Variants in SCTR observed in about 807,000 individuals in gnomAD.
SCTR encodes the protein secretin receptor.
A neutral mutation model predicts 60.8 loss-of-function variants in SCTR; 56 were observed. That is an observed-to-expected ratio of 0.92 (90% CI 0.74 to 1.15). The LOEUF is 1.15. SCTR is among the 50% of genes most tolerant of loss of function. SCTR has a pLI of 0.00. For missense variants in SCTR, 562 were observed against 550.4 expected (o/e 1.02, Z -0.21); for synonymous variants, 202 against 217.0 (o/e 0.93, Z 0.61).
intron 1 of SCTR, among the ~76,000 whole-genome samples, chr2:119,513,349 C>A (rs1417928630): frequency 1.3e-5 from 2 of 152,138 alleles, no homozygotes; most frequent in Non-Finnish European, 2.9e-5. Context: ...AGAGACAGAG[C>A]AGATAAATAT....
At chr2:119,516,828 G>A (rs572946184) in intron 1 of SCTR, among the ~76,000 whole-genome samples, 4 of 152,068 alleles carry the variant, frequency 2.6e-5, no homozygotes, top group South Asian at 2.1e-4. Context: ...GCATGGTGGC[G>A]CATGCCTCTA....
chr2:119,520,081 C>T (rs368097079), intron 1 of SCTR, among the ~76,000 whole-genome samples: 1 of 152,258 alleles, frequency 6.6e-6, no homozygotes, highest in South Asian at 2.1e-4. Context: ...TCATCCTTCA[C>T]TTATTAACTT....
rs184686813 is a variant in SCTR, at chr2:119,507,094, A to T, written c.73-12546T>A. Among the ~76,000 whole-genome samples the T allele has an allele frequency of 4.3e-3, 650 of 152,338 alleles. 2 individuals carry two copies. The highest frequency in any genetic ancestry group is 7.4e-3 in the Non-Finnish European group (505 of 68,032). ...CAACTATTTCAAAATAAAAAGTTGA[A>T]TTACAAAAAAAAGACAACTTAATTA... On this transcript the variant is annotated intron_variant, in intron 1 of 12. Transcript: ENST00000019103.
chr2:119,491,118 C>G (rs1678106877), intron 2 of SCTR, among the ~76,000 whole-genome samples: 1 of 152,250 alleles, frequency 6.6e-6, no homozygotes, highest in Non-Finnish European at 1.5e-5. Context: ...GATCATATCT[C>G]TTGCCTAGAC....
intron 11 of SCTR, among the ~76,000 whole-genome samples, chr2:119,445,004 T>TATTCGTACGAATATATATAC (rs1558832597): frequency 6.7e-6 from 1 of 148,738 alleles, no homozygotes; most frequent in African/African-American, 2.5e-5. Context: ...TATATACATA[T>TATTCGTACGAATATATATAC]ATATGTATAA....
intron 3 of SCTR, among the ~76,000 whole-genome samples, chr2:119,474,037 C>T (rs541260074): frequency 2.0e-5 from 3 of 152,326 alleles, no homozygotes; most frequent in Admixed American, 6.5e-5. Context: ...CTCCAGGCAG[C>T]GCCCCTCACG....
intron 2 of SCTR, among the ~76,000 whole-genome samples, chr2:119,481,835 A>C (rs1173427902): frequency 6.6e-6 from 1 of 152,198 alleles, no homozygotes; most frequent in Non-Finnish European, 1.5e-5. Flanking sequence ...CCCGCCAGGC[A>C]TCCCTCATAA....
intron 1 of SCTR, among the ~76,000 whole-genome samples, chr2:119,505,471 A>AT (rs1678707882): frequency 6.6e-6 from 1 of 151,130 alleles, no homozygotes; most frequent in Admixed American, 6.6e-5. Context: ...TTAAAGTATA[A>AT]TAAAAAAAAG....
At chr2:119,446,158 A>G (rs892317677) in intron 11 of SCTR, among the ~76,000 whole-genome samples, 1 of 152,134 alleles carries the variant, frequency 6.6e-6, no homozygotes, top group Non-Finnish European at 1.5e-5. Flanking sequence ...AGTTTTAATA[A>G]TTTGCATATG....
At chr2:119,465,911 C>T in intron 4 of SCTR, 25 bp from the exon 5 acceptor site, 1 of 1,548,242 alleles carries the variant, frequency 6.5e-7, no homozygotes, top group Non-Finnish European at 8.9e-7. Flanking sequence ...ACGTGTCAGC[C>T]CCGCCGGCCC....
intron 11 of SCTR, 85 bp downstream of exon 11, chr2:119,446,674 C>T: frequency 7.8e-7 from 1 of 1,274,602 alleles, no homozygotes; most frequent in Non-Finnish European, 1.0e-6. Context: ...AGGCATCTGG[C>T]TCGCAGTCTC....
At chr2:119,480,118 ATTCAGTCAGC>A (rs1677534156) in intron 2 of SCTR, among the ~76,000 whole-genome samples, 1 of 152,202 alleles carries the variant, frequency 6.6e-6, no homozygotes, top group Non-Finnish European at 1.5e-5. Flanking sequence ...CTCCCTGTGT[ATTCAGTCAGC>A]TTTGCATCTA....
chr2:119,457,398 T>C lies in SCTR; in HGVS notation c.791-4051A>G, dbSNP rs1057132176. Among the ~76,000 whole-genome samples the C allele has an allele frequency of 4.6e-5, 7 of 152,206 alleles. No individual in the cohort carries two copies. The East Asian group carries it at 9.7e-4, about 21-fold the overall frequency. On this transcript the variant is annotated intron_variant, in intron 7 of 12. Coordinates refer to ENST00000019103, the MANE Select transcript of SCTR (RefSeq NM_002980.3). The stretch of plus-strand genomic sequence containing the variant: ...ATGATAAGAAACTGTAAAGGAAGAA[T>C]GGAGGTAGAGGATTAAGAATTTTAT...
intron 1 of SCTR, among the ~76,000 whole-genome samples, chr2:119,521,532 G>T (rs1418699552): frequency 6.6e-6 from 1 of 152,086 alleles, no homozygotes; most frequent in Non-Finnish European, 1.5e-5. Flanking sequence ...TGGGGGTGGG[G>T]CCGCAGAGGG....
intron 1 of SCTR, among the ~76,000 whole-genome samples, chr2:119,501,791 A>G (rs969278751): frequency 6.6e-6 from 1 of 152,162 alleles, no homozygotes; most frequent in African/African-American, 2.4e-5. Context: ...GAAGAAGAAG[A>G]AAAACCTATT....
At chr2:119,445,920 G>A (rs1413926558) in intron 11 of SCTR, among the ~76,000 whole-genome samples, 2 of 151,956 alleles carry the variant, frequency 1.3e-5, no homozygotes, top group Non-Finnish European at 2.9e-5. Flanking sequence ...ATCCTTCATC[G>A]ACTTATTTTT....
intron 9 of SCTR, among the ~76,000 whole-genome samples, chr2:119,451,520 G>A (rs576906304): frequency 2.7e-4 from 41 of 152,226 alleles, no homozygotes; most frequent in Non-Finnish European, 5.6e-4. Context: ...CCCTGGGGCC[G>A]CCCCTCCAGG....
At chr2:119,475,630 A>G (rs1357717052) in intron 3 of SCTR, among the ~76,000 whole-genome samples, 2 of 147,428 alleles carry the variant, frequency 1.4e-5, no homozygotes, top group Non-Finnish European at 3.0e-5. Context: ...AGATGTAGAT[A>G]TTTATATTAT....
chr2:119,465,092 A>G (rs1425650012), intron 5 of SCTR, among the ~76,000 whole-genome samples: 1 of 152,080 alleles, frequency 6.6e-6, no homozygotes, highest in Non-Finnish European at 1.5e-5. Context: ...CACCCTCATG[A>G]CAGACTTGAT....
Sources: allele counts gnomAD v4.1 joint callset (sites outside exome capture counted in the v4.1 genomes callset), GRCh38; gene constraint gnomAD v4.1.1; transcripts MANE v1.5; gene names NCBI Gene and HGNC (gene_info 2026-07-23, HGNC 2026-07-21).